The following ARHGEF4 variants were observed in gnomAD, a reference collection of about 807,000 sequenced individuals.
ARHGEF4 encodes APC-stimulated guanine nucleotide exchange factor 1.
A neutral mutation model predicts 162.0 loss-of-function variants in ARHGEF4; 119 were observed. That is an observed-to-expected ratio of 0.73 (90% CI 0.63 to 0.86). The LOEUF (loss-of-function observed/expected upper bound fraction) is 0.86. ARHGEF4 is among the 40% of genes least tolerant of loss of function. The pLI, the probability that ARHGEF4 is intolerant of heterozygous loss-of-function variation, is 0.00. For missense variants in ARHGEF4, 2,488 were observed against 2,456.0 expected, an observed-to-expected ratio of 1.01 and a Z score of -0.28; for synonymous variants, 1,014 against 979.9, an observed-to-expected ratio of 1.03 and a Z score of -0.65.
chr2:131,042,757 A>G (rs1690914527), intron 10 of ARHGEF4, among the ~76,000 whole-genome samples: 2 of 152,194 alleles, frequency 1.3e-5, no homozygotes, highest in Admixed American at 1.3e-4. Flanking sequence ...CACTCATCCC[A>G]AACAGGCCAC....
At chr2:130,845,947 A>T (rs1386491015) in intron 1 of ARHGEF4, among the ~76,000 whole-genome samples, 1 of 152,228 alleles carries the variant, frequency 6.6e-6, no homozygotes, top group Non-Finnish European at 1.5e-5. Flanking sequence ...CAGAGGGCAG[A>T]TGAGGAAGGA....
At chr2:131,035,172 C>A (rs1320610046) in intron 5 of ARHGEF4, 3 of 1,220,586 alleles carry the variant, frequency 2.5e-6, no homozygotes, top group Non-Finnish European at 3.1e-6. Flanking sequence ...GCAACCTGCC[C>A]CCCGGCGCCC....
chr2:130,991,809 C>T (rs1687005137), intron 4 of ARHGEF4, among the ~76,000 whole-genome samples: 1 of 152,250 alleles, frequency 6.6e-6, no homozygotes, highest in South Asian at 2.1e-4. Context: ...CCATCGACCA[C>T]CCAAGGGCTG....
At chr2:130,847,331 A>G (rs1009048165) in intron 1 of ARHGEF4, among the ~76,000 whole-genome samples, 2 of 152,176 alleles carry the variant, frequency 1.3e-5, no homozygotes, top group African/African-American at 4.8e-5. Flanking sequence ...GAGTGCCTCA[A>G]TGCAGAGGAG....
intron 4 of ARHGEF4, among the ~76,000 whole-genome samples, chr2:130,999,407 T>G (rs141445128): frequency 6.6e-6 from 1 of 151,970 alleles, no homozygotes; most frequent in Admixed American, 6.5e-5. Flanking sequence ...CCGCCCGCCT[T>G]GGCCTCCCAA....
intron 1 of ARHGEF4, among the ~76,000 whole-genome samples, chr2:130,879,075 A>G (rs1679037545): frequency 6.6e-6 from 1 of 152,210 alleles, no homozygotes; most frequent in East Asian, 1.9e-4. Context: ...AGAAGCAGGC[A>G]TGGCTGAGCA....
chr2:130,854,450 T>C (rs1477063201), intron 1 of ARHGEF4, among the ~76,000 whole-genome samples: 2 of 152,212 alleles, frequency 1.3e-5, no homozygotes, highest in Admixed American at 6.5e-5. Flanking sequence ...GTCACTCCTG[T>C]CCTCTGATAG....
chr2:130,909,289 A>G (rs572725623), intron 1 of ARHGEF4, among the ~76,000 whole-genome samples: 2 of 152,360 alleles, frequency 1.3e-5, no homozygotes, highest in South Asian at 2.1e-4. Context: ...GCAGGTGAAT[A>G]GATAACAAAT....
chr2:130,947,703 G>T (rs180732417), intron 4 of ARHGEF4, among the ~76,000 whole-genome samples: 1 of 152,184 alleles, frequency 6.6e-6, no homozygotes. Context: ...GAATTGGGCC[G>T]CAGGTGAGAG....
Position 130,937,761 on chromosome 2 carries a change from G to A in ARHGEF4, c.3858+6504G>A, listed in dbSNP as rs545190175. Among the ~76,000 whole-genome samples the A allele has an allele frequency of 4.6e-5, 7 of 150,724 alleles. No homozygotes were observed. In the South Asian group the frequency reaches 8.4e-4, roughly 18 times the overall value. On this transcript the variant is annotated intron_variant, in intron 3 of 13. Coordinates refer to ENST00000409359, the MANE Select transcript of ARHGEF4 (RefSeq NM_001367493.1). ...CGGCTCACTGCAAGCTCTGCCTCCC[G>A]GGTTCACACCATTCTCCTGCCTCAG...
intron 3 of ARHGEF4, among the ~76,000 whole-genome samples, chr2:130,944,115 T>C (rs1683469429): frequency 6.6e-6 from 1 of 152,240 alleles, no homozygotes; most frequent in Non-Finnish European, 1.5e-5. Flanking sequence ...ATTCCACTTC[T>C]TTCTGGCCTC....
At position 131,041,424 on chromosome 2, in the gene ARHGEF4, G is replaced by A. The variant is rs375816296; in HGVS notation, c.4857G>A (p.Gln1619=). Residue 1619 remains glutamine (Q), a synonymous_variant, in exon 9 of 14, where the codon CAG becomes CAA. Transcript: ENST00000409359. Reference sequence around the variant, plus strand: ...AGAAGATCTGCAAGTACCCTCTGCAGCTGGCCGAGCTGCTCAAATACACGC... The same window carrying A: ...AGAAGATCTGCAAGTACCCTCTGCAACTGGCCGAGCTGCTCAAATACACGC... ...PVQKICKYPL[Q]LAELLKYTHP... is the part of the protein sequence containing the mutation. The A allele has an allele frequency of 2.5e-6, 4 of 1,613,120 alleles. No homozygotes were observed. The highest frequency in any genetic ancestry group is 8.5e-7 in the Non-Finnish European group (1 of 1,180,022).
intron 1 of ARHGEF4, among the ~76,000 whole-genome samples, chr2:130,892,947 C>G (rs1679942338): frequency 6.6e-6 from 1 of 152,254 alleles, no homozygotes; most frequent in Admixed American, 6.5e-5. Flanking sequence ...AGAGGAGGCT[C>G]TCCCTCAGAA....
intron 1 of ARHGEF4, among the ~76,000 whole-genome samples, chr2:130,905,385 A>C (rs1336659392): frequency 6.6e-6 from 1 of 152,192 alleles, no homozygotes; most frequent in Non-Finnish European, 1.5e-5. Context: ...AGAATCTCTC[A>C]AGTGAAATTA....
chr2:130,915,609 AC>A lies in ARHGEF4; in HGVS notation c.1665del (p.Thr556ProfsTer7). 6.4e-7 allele frequency: 1 copy of A among 1,550,518 alleles called. No individual in the cohort carries two copies. Among genetic ancestry groups the A allele is most frequent in the Non-Finnish European group, 8.7e-7 (1 of 1,146,984 alleles). ...GAGTGACAGTTCAGATGCCCCTGAGACCACCCAGAAATCAAGCGCAATAGAC... is the reference window on the plus strand; with the variant it reads ...GAGTGACAGTTCAGATGCCCCTGAGACACCCAGAAATCAAGCGCAATAGAC... ...EVSDSSDAPE[T>X]TQKSSAIDTS... On this transcript the variant is annotated frameshift_variant, in exon 2 of 14. Coordinates refer to ENST00000409359, the MANE Select transcript of ARHGEF4 (RefSeq NM_001367493.1). LOFTEE classifies it high-confidence loss of function.
In ARHGEF4 at chr2:130,916,412, C is replaced by A. The variant is rs1465930091; in HGVS notation, c.2466C>A (p.Arg822=). 1.3e-6 allele frequency: 2 copies of A among 1,532,120 alleles called. No individual in the cohort carries two copies. The highest frequency in any genetic ancestry group is 2.4e-5 in the South Asian group (2 of 82,932). 94.9% of individuals were successfully genotyped at this position (1,532,120 alleles called of 1,614,324 possible). ...GGVPAPTTEG[R]RWGSSGPEGL... is the part of the protein sequence containing the mutation. ...TCCCGGCCCCGACCACCGAGGGTCGCCGCTGGGGCTCTTCAGGCCCCGAGG... is the reference window on the plus strand; with the variant it reads ...TCCCGGCCCCGACCACCGAGGGTCGACGCTGGGGCTCTTCAGGCCCCGAGG... Residue 822 remains arginine, a synonymous_variant, in exon 2 of 14, where the codon CGC becomes CGA. Transcript: ENST00000409359.
At position 130,983,188 on chromosome 2, in the gene ARHGEF4, T is replaced by G. The variant is rs185337577; in HGVS notation, c.3985+36553T>G. ...ATTTTTAGCAGTTTATCTAGATTAC[T>G]TCTGAAAACTGAGAGATTAAACACC... On this transcript the variant is annotated intron_variant, in intron 4 of 13. Coordinates refer to ENST00000409359, the MANE Select transcript of ARHGEF4 (RefSeq NM_001367493.1). Among the ~76,000 whole-genome samples the G allele has an allele frequency of 3.9e-4, 59 of 152,356 alleles. No homozygotes were observed. In the East Asian group the frequency reaches 0.01, roughly 27 times the overall value.
chr2:130,984,233 T>A (rs1686316500), intron 4 of ARHGEF4, among the ~76,000 whole-genome samples: 1 of 152,124 alleles, frequency 6.6e-6, no homozygotes. Flanking sequence ...AAGAACATTG[T>A]GGCCAAACAG....
chr2:131,029,089 G>A, intron 5 of ARHGEF4, among the ~76,000 whole-genome samples: 1 of 151,536 alleles, frequency 6.6e-6, no homozygotes, highest in East Asian at 1.9e-4. Context: ...GGGCGGGCAT[G>A]GTGGCTCACG....
Sources: allele counts gnomAD v4.1 joint callset (sites outside exome capture counted in the v4.1 genomes callset), GRCh38; gene constraint gnomAD v4.1.1; transcripts MANE v1.5; gene names NCBI Gene and HGNC (gene_info 2026-07-23, HGNC 2026-07-21).